Variants in MACROD2 observed in about 807,000 individuals in gnomAD.
The protein encoded by MACROD2 is ADP-ribose glycohydrolase MACROD2.
In MACROD2, 36 loss-of-function variants were observed where a neutral mutation model predicts 70.4. The ratio of observed to expected loss-of-function variants is 0.51; its 90% CI spans 0.39 to 0.68. The LOEUF is 0.68. Among genes scored for constraint, MACROD2 ranks in the 30% least tolerant of loss-of-function variants. The probability of loss-of-function intolerance (pLI) is 0.00; values close to 1 mark genes in which losing one functional copy is unlikely to be tolerated. For synonymous variants in MACROD2, 172 were observed against 178.8 expected, an observed-to-expected ratio of 0.96 and a Z score of 0.30; for missense variants, 496 against 538.4, an observed-to-expected ratio of 0.92 and a Z score of 0.78.
intron 6 of MACROD2, among the ~76,000 whole-genome samples, chr20:15,281,338 A>AT (rs2077442582): frequency 6.6e-6 from 1 of 152,226 alleles, no homozygotes; most frequent in African/African-American, 2.4e-5. Flanking sequence ...TAATTTCAGC[A>AT]TTAACTCAAA....
intron 3 of MACROD2, among the ~76,000 whole-genome samples, chr20:14,239,786 C>T (rs1157718298): frequency 2.6e-5 from 4 of 152,094 alleles, no homozygotes; most frequent in Non-Finnish European, 4.4e-5. Flanking sequence ...GATTTCATGA[C>T]GTAGATGCCA....
intron 8 of MACROD2, among the ~76,000 whole-genome samples, chr20:15,844,062 A>G (rs2064203015): frequency 6.6e-6 from 1 of 151,820 alleles, no homozygotes; most frequent in African/African-American, 2.4e-5. Flanking sequence ...CTGCACATAT[A>G]TGAGTAGCAA....
rs915359227 is a variant in MACROD2 at position 14,621,921 on chromosome 20, A to G, written c.302-62922A>G. The G allele has an allele frequency of 3.9e-5, 6 of 152,122 alleles. No homozygotes were observed. The East Asian group carries it at 1.2e-3, about 29-fold the overall frequency. 9.4% of individuals were successfully genotyped at this position (152,122 alleles called of 1,614,324 possible). ...CAGTCAGGCCTTGGGAGGATTTCTC[A>G]TTAGCTGTGTGAGTTTTAACAAAAT... On this transcript the variant is annotated intron_variant, in intron 4 of 17. Coordinates refer to ENST00000684519, the MANE Select transcript of MACROD2 (RefSeq NM_001351661.2).
intron 8 of MACROD2, among the ~76,000 whole-genome samples, chr20:15,509,601 G>A (rs993601686): frequency 1.2e-4 from 18 of 152,152 alleles, no homozygotes; most frequent in South Asian, 4.2e-4. Flanking sequence ...CTCCTCTTCC[G>A]TGCAGCAGGA....
chr20:15,478,624 A>G (rs1389014579), intron 7 of MACROD2, among the ~76,000 whole-genome samples: 1 of 151,850 alleles, frequency 6.6e-6, no homozygotes, highest in Non-Finnish European at 1.5e-5. Flanking sequence ...GTTCTCTCCC[A>G]TTGACCAGAG....
chr20:14,477,090 GGA>G (rs1264714831), intron 3 of MACROD2, among the ~76,000 whole-genome samples: 1 of 152,172 alleles, frequency 6.6e-6, no homozygotes, highest in African/African-American at 2.4e-5. Flanking sequence ...CAGAGAATTG[GGA>G]GGCGGGAAGG....
At chr20:15,794,580 T>G (rs2063655711) in intron 8 of MACROD2, among the ~76,000 whole-genome samples, 1 of 152,222 alleles carries the variant, frequency 6.6e-6, no homozygotes, top group Non-Finnish European at 1.5e-5. Flanking sequence ...AATCTGGTGG[T>G]TCATTAGCTA....
chr20:14,060,423 T>A (rs552499602), intron 2 of MACROD2, among the ~76,000 whole-genome samples: 1 of 151,134 alleles, frequency 6.6e-6, no homozygotes, highest in Admixed American at 6.6e-5. Context: ...AACATGTTAA[T>A]TTTTTTTTAA....
intron 7 of MACROD2, among the ~76,000 whole-genome samples, chr20:15,447,949 G>T (rs1257752807): frequency 2.0e-5 from 3 of 152,010 alleles, no homozygotes; most frequent in African/African-American, 7.2e-5. Context: ...CCTTGTGAGA[G>T]GCCATGACAT....
At chr20:15,248,282 T>A (rs2077124184) in intron 6 of MACROD2, among the ~76,000 whole-genome samples, 1 of 152,182 alleles carries the variant, frequency 6.6e-6, no homozygotes, top group African/African-American at 2.4e-5. Flanking sequence ...CCTGCATCTG[T>A]CTGTGTTTAT....
At chr20:15,089,373 A>C (rs2075776231) in intron 5 of MACROD2, among the ~76,000 whole-genome samples, 1 of 152,116 alleles carries the variant, frequency 6.6e-6, no homozygotes, top group African/African-American at 2.4e-5. Context: ...AAAGTGGAAA[A>C]TGAGCAATTG....
chr20:14,884,817 G>A (rs528350018), intron 5 of MACROD2, among the ~76,000 whole-genome samples: 1 of 152,232 alleles, frequency 6.6e-6, no homozygotes, highest in South Asian at 2.1e-4. Flanking sequence ...CTGAAGCCTG[G>A]AGGCTTCATC....
chr20:15,212,883 A>C (rs1016862937), intron 5 of MACROD2, among the ~76,000 whole-genome samples: 1 of 152,130 alleles, frequency 6.6e-6, no homozygotes, highest in Non-Finnish European at 1.5e-5. Flanking sequence ...CTCCACCCCT[A>C]CTCCATTCCA....
chr20:14,712,190 C>G (rs965965595), intron 5 of MACROD2, among the ~76,000 whole-genome samples: 5 of 152,022 alleles, frequency 3.3e-5, no homozygotes, highest in African/African-American at 1.2e-4. Context: ...GTTGGAAATA[C>G]ACACTTATTT....
intron 4 of MACROD2, among the ~76,000 whole-genome samples, chr20:14,607,125 C>T (rs1446813510): frequency 6.6e-6 from 1 of 152,106 alleles, no homozygotes; most frequent in East Asian, 1.9e-4. Context: ...TTGAAACTCT[C>T]TTCTGCATAG....
chr20:15,762,968 G>T (rs576903660), intron 8 of MACROD2, among the ~76,000 whole-genome samples: 6 of 152,142 alleles, frequency 3.9e-5, no homozygotes, highest in African/African-American at 1.4e-4. Flanking sequence ...ATAACCATTT[G>T]GTGAGAATAA....
intron 4 of MACROD2, among the ~76,000 whole-genome samples, chr20:14,510,931 G>C (rs549874270): frequency 6.6e-6 from 1 of 152,226 alleles, no homozygotes; most frequent in East Asian, 1.9e-4. Context: ...GGTGGATGCA[G>C]GGAGTGGGTG....
At chr20:14,912,915 A>G (rs1213770701) in intron 5 of MACROD2, among the ~76,000 whole-genome samples, 1 of 152,176 alleles carries the variant, frequency 6.6e-6, no homozygotes, top group African/African-American at 2.4e-5. Flanking sequence ...GATATACTCC[A>G]GAGTTTTAGA....
intron 5 of MACROD2, among the ~76,000 whole-genome samples, chr20:14,909,481 C>G (rs949285387): frequency 4.6e-5 from 7 of 152,038 alleles, no homozygotes; most frequent in African/African-American, 1.7e-4. Flanking sequence ...CTGGTTAACA[C>G]TTGTTACTTA....
Sources: allele counts gnomAD v4.1 joint callset (sites outside exome capture counted in the v4.1 genomes callset), GRCh38; gene constraint gnomAD v4.1.1; transcripts MANE v1.5; gene names NCBI Gene and HGNC (gene_info 2026-07-23, HGNC 2026-07-21).